The following GRIA1 variants were observed in gnomAD, a reference collection of about 807,000 sequenced individuals.
The protein encoded by GRIA1 is glutamate receptor 1.
In GRIA1, 31 loss-of-function variants were observed where a neutral mutation model predicts 99.2. The ratio of observed to expected loss-of-function variants is 0.31; its 90% CI spans 0.23 to 0.42. The LOEUF (loss-of-function observed/expected upper bound fraction) is 0.42, where lower values mean the gene tolerates loss of function less well. Among genes scored for constraint, GRIA1 ranks in the 10% least tolerant of loss-of-function variants. The probability of loss-of-function intolerance (pLI) is 1.00; values close to 1 mark genes in which losing one functional copy is unlikely to be tolerated. For missense variants in GRIA1, 782 were observed against 1,157.5 expected (o/e 0.68, Z 4.71); for synonymous variants, 438 against 432.4 (o/e 1.01, Z -0.16).
intron 2 of GRIA1, among the ~76,000 whole-genome samples, chr5:153,628,650 G>C (rs1767860539): frequency 6.6e-6 from 1 of 152,194 alleles, no homozygotes; most frequent in Non-Finnish European, 1.5e-5. Context: ...AACTTCATCT[G>C]CATTTGTCCT....
At chr5:153,522,717 G>A (rs145890883) in intron 2 of GRIA1, among the ~76,000 whole-genome samples, 94 of 152,212 alleles carry the variant, frequency 6.2e-4, no homozygotes, top group African/African-American at 2.0e-3. Flanking sequence ...CCAAGGTCAC[G>A]GACATCATTT....
At chr5:153,523,989 T>C (rs746248515) in intron 2 of GRIA1, among the ~76,000 whole-genome samples, 10 of 152,336 alleles carry the variant, frequency 6.6e-5, no homozygotes, top group Admixed American at 1.3e-4. Context: ...GCAAGGAATG[T>C]TATTGAAATG....
intron 3 of GRIA1, among the ~76,000 whole-genome samples, chr5:153,647,894 C>A (rs56954513): frequency 0.071 from 10,811 of 152,246 alleles, 1,289 homozygotes; most frequent in African/African-American, 0.25. Flanking sequence ...AAATCCTTCT[C>A]CTCTTTTGCA....
intron 11 of GRIA1, among the ~76,000 whole-genome samples, chr5:153,734,028 A>G (rs954838398): frequency 5.3e-5 from 8 of 152,238 alleles, no homozygotes; most frequent in Non-Finnish European, 1.0e-4. Flanking sequence ...TATATGCAGA[A>G]CATTCCATCC....
At chr5:153,706,388 G>A (rs1758899453) in intron 11 of GRIA1, among the ~76,000 whole-genome samples, 1 of 152,174 alleles carries the variant, frequency 6.6e-6, no homozygotes, top group Admixed American at 6.5e-5. Context: ...CACTTATGGA[G>A]CACCTACCAA....
At chr5:153,624,760 T>C (rs992514032) in intron 2 of GRIA1, among the ~76,000 whole-genome samples, 1 of 152,166 alleles carries the variant, frequency 6.6e-6, no homozygotes, top group Non-Finnish European at 1.5e-5. Context: ...GATTAGATAA[T>C]CACGTGGAAA....
chr5:153,773,882 C>T (rs1312976636), intron 13 of GRIA1, among the ~76,000 whole-genome samples: 2 of 152,142 alleles, frequency 1.3e-5, no homozygotes, highest in South Asian at 2.1e-4. Context: ...GAGTAACGCT[C>T]GTCTTAAAAG....
intron 8 of GRIA1, among the ~76,000 whole-genome samples, chr5:153,694,645 A>G (rs1167010141): frequency 6.6e-6 from 1 of 152,264 alleles, no homozygotes; most frequent in East Asian, 1.9e-4. Flanking sequence ...CACAGAGGTC[A>G]GGTAACTTGC....
chr5:153,703,494 C>T (rs545413005), intron 10 of GRIA1, among the ~76,000 whole-genome samples: 9 of 152,318 alleles, frequency 5.9e-5, no homozygotes, highest in Admixed American at 5.2e-4. Context: ...CCTGTAATCC[C>T]AGCACTTTGG....
intron 8 of GRIA1, among the ~76,000 whole-genome samples, chr5:153,695,490 T>A (rs1182979617): frequency 1.3e-5 from 2 of 152,160 alleles, no homozygotes; most frequent in Non-Finnish European, 2.9e-5. Context: ...CCATGAGCGG[T>A]GAAAGGCCCC....
At chr5:153,642,586 T>C (rs1202862065) in intron 2 of GRIA1, among the ~76,000 whole-genome samples, 1 of 150,052 alleles carries the variant, frequency 6.7e-6, no homozygotes, top group Non-Finnish European at 1.5e-5. Context: ...CAGTGAGCCA[T>C]GATGGCACCA....
chr5:153,606,157 A>T (rs1282653531), intron 2 of GRIA1, among the ~76,000 whole-genome samples: 1 of 152,092 alleles, frequency 6.6e-6, no homozygotes, highest in East Asian at 1.9e-4. Context: ...TTCTACATAG[A>T]TATCCAGTTG....
At chr5:153,741,443 A>G (rs908558255) in intron 11 of GRIA1, among the ~76,000 whole-genome samples, 3 of 152,352 alleles carry the variant, frequency 2.0e-5, no homozygotes, top group East Asian at 1.9e-4. Context: ...TTTTGAATAT[A>G]TATTAGCACT....
chr5:153,752,107 T>C lies in GRIA1; in HGVS notation c.1824-12327T>C, dbSNP rs527653107. 2.0e-5 allele frequency among the ~76,000 whole-genome samples: 3 copies of C among 152,270 alleles called. No homozygotes were observed. In the South Asian group the frequency reaches 6.2e-4, roughly 32 times the overall value. On this transcript the variant is annotated intron_variant, in intron 11 of 15. Coordinates refer to ENST00000285900, the MANE Select transcript of GRIA1 (RefSeq NM_000827.4). ...TCATGATAGTAACACCTTAAATCAA[T>C]ACAGCCGAGTGATTATATTGTAATG...
chr5:153,612,918 C>A (rs1162217934), intron 2 of GRIA1, among the ~76,000 whole-genome samples: 2 of 150,074 alleles, frequency 1.3e-5, no homozygotes, highest in Non-Finnish European at 3.0e-5. Flanking sequence ...GCTCACTCAG[C>A]TGGAAAAAAA....
chr5:153,677,046 A>G lies in GRIA1; in HGVS notation c.914A>G (p.Gln305Arg). 6.4e-7 allele frequency: 1 copy of G among 1,572,238 alleles called. No individual in the cohort carries two copies. Among genetic ancestry groups the G allele is most frequent in the Admixed American group, 1.8e-5 (1 of 56,430 alleles). Residue 305 changes from glutamine (Q) to arginine (R), a missense_variant, in exon 7 of 16, where the codon CAG (glutamine) becomes CGG (arginine). Physicochemically the swap from Gln to Arg is conservative, Grantham distance 43. Transcript: ENST00000285900. ...GTGAAGGTGATGGCTGAGGCTTTCC[A>G]GAGCCTGCGGAGGCAGAGAATTGAT... ...DGVKVMAEAFQSLRRQRIDIS... is the reference protein window; with the variant it reads ...DGVKVMAEAFRSLRRQRIDIS...
intron 13 of GRIA1, among the ~76,000 whole-genome samples, chr5:153,779,256 C>T (rs1204697420): frequency 6.6e-6 from 1 of 152,132 alleles, no homozygotes; most frequent in Non-Finnish European, 1.5e-5. Context: ...ATGCTTTACC[C>T]AGGTTCTCAA....
rs146130913 is a variant in GRIA1 at position 153,572,550 on chromosome 5, G to C, written c.221-74378G>C. Among the ~76,000 whole-genome samples, 228 of 152,304 alleles carry C rather than the reference G, an allele frequency of 1.5e-3. 1 individual carries two copies. The Middle Eastern group carries it at 0.017, about 11-fold the overall frequency. On this transcript the variant is annotated intron_variant, in intron 2 of 15. Coordinates refer to ENST00000285900, the MANE Select transcript of GRIA1 (RefSeq NM_000827.4). Reference sequence around the variant, plus strand: ...AAGAATGCCACAATTGATTAGAGCTGTCAGCCGTGGATGGGAGATCAGGGA... The same window carrying C: ...AAGAATGCCACAATTGATTAGAGCTCTCAGCCGTGGATGGGAGATCAGGGA...
intron 13 of GRIA1, 140 bp from the exon 14 acceptor site, chr5:153,794,481 T>C (rs767238517): frequency 6.1e-6 from 4 of 660,362 alleles, no homozygotes; most frequent in Non-Finnish European, 1.1e-5. Context: ...TGCAGTGATG[T>C]TGGGGGCAGG....
Sources: allele counts gnomAD v4.1 joint callset (sites outside exome capture counted in the v4.1 genomes callset), GRCh38; gene constraint gnomAD v4.1.1; transcripts MANE v1.5; gene names NCBI Gene and HGNC (gene_info 2026-07-23, HGNC 2026-07-21).